PCNX1: variants seen among roughly 807,000 people sequenced by gnomAD.
The protein encoded by PCNX1 is pecanex 1, also known as pecanex-like protein 1.
Under a neutral mutation model 242.2 loss-of-function variants are expected in PCNX1, and 78 were observed. That is an observed-to-expected ratio of 0.32 (90% CI 0.27 to 0.39). The LOEUF (loss-of-function observed/expected upper bound fraction) is 0.39, where lower values mean the gene tolerates loss of function less well. Among genes scored for constraint, PCNX1 ranks in the 10% least tolerant of loss-of-function variants. The pLI is 1.00. For synonymous variants in PCNX1, 1,024 were observed against 1,032.9 expected, an observed-to-expected ratio of 0.99 and a Z score of 0.17; for missense variants, 2,581 against 2,856.5, an observed-to-expected ratio of 0.90 and a Z score of 2.20.
intron 1 of PCNX1, among the ~76,000 whole-genome samples, chr14:70,929,253 C>G (rs61988720): frequency 1.1e-4 from 17 of 151,716 alleles, no homozygotes; most frequent in Admixed American, 2.6e-4. Context: ...TTTTTTTCCC[C>G]TCTTACCGTC....
At chr14:70,991,391 A>G (rs1396116328) in intron 7 of PCNX1, among the ~76,000 whole-genome samples, 3 of 151,850 alleles carry the variant, frequency 2.0e-5, no homozygotes, top group Non-Finnish European at 2.9e-5. Context: ...TTTTTAGCAG[A>G]GATGGGGTTT....
At chr14:71,036,696 C>G (rs2060545305) in intron 19 of PCNX1, among the ~76,000 whole-genome samples, 1 of 152,154 alleles carries the variant, frequency 6.6e-6, no homozygotes, top group African/African-American at 2.4e-5. Flanking sequence ...ATAACGTATC[C>G]TGTTGTTAAG....
rs1261872759 is a variant in PCNX1 at position 71,051,194 on chromosome 14, AAAAATC to A, written c.4447+436_4447+441del. On this transcript the variant is annotated intron_variant, in intron 23 of 35. Coordinates refer to ENST00000304743, the MANE Select transcript of PCNX1 (RefSeq NM_014982.3). ...AAAAAAAAAAAAAAAAAAAAAAAAA[AAAAATC>A]ATAACCTTTTATATCCACACCTATA... Among the ~76,000 whole-genome samples the A allele has an allele frequency of 1.2e-3, 149 of 129,086 alleles. 1 individual carries two copies. Among genetic ancestry groups the A allele is most frequent in the African/African-American group, 4.0e-3 (139 of 34,736 alleles). 84.7% of individuals were successfully genotyped at this position (129,086 alleles called of 152,430 possible).
chr14:70,957,537 T>C lies in PCNX1; in HGVS notation c.363-4689T>C, dbSNP rs187469346. 1.4e-4 allele frequency among the ~76,000 whole-genome samples: 21 copies of C among 152,228 alleles called. No homozygotes were observed. In the East Asian group the frequency reaches 3.9e-3, roughly 28 times the overall value. ...GAAGCCAGACACAAAACATCACATA[T>C]GATTCCATTTATATAGAATGTCCAG... On this transcript the variant is annotated intron_variant, in intron 2 of 35. Transcript: ENST00000304743.
intron 30 of PCNX1, 152 bp from the exon 31 acceptor site, chr14:71,101,838 T>C (rs1247169210): frequency 4.2e-6 from 2 of 473,524 alleles, no homozygotes; most frequent in African/African-American, 4.0e-5. Context: ...AACCCAGTTA[T>C]GACTGAGAAT....
chr14:71,036,203 G>C, intron 19 of PCNX1, 46 bp downstream of exon 19: 4 of 1,214,592 alleles, frequency 3.3e-6, no homozygotes, highest in Non-Finnish European at 4.9e-6. Context: ...GTTTGAGACA[G>C]GGTCTCACTC....
rs188376290 is a variant in PCNX1 at position 71,093,590 on chromosome 14, A to G, written c.5589+4248A>G. ...CTTCTGTGATATGGGCACTAAAACTAAAGCATAAGGTAGAAGAAGAATTGG... is the reference window on the plus strand; with the variant it reads ...CTTCTGTGATATGGGCACTAAAACTGAAGCATAAGGTAGAAGAAGAATTGG... On this transcript the variant is annotated intron_variant, in intron 30 of 35. Coordinates refer to ENST00000304743, the MANE Select transcript of PCNX1 (RefSeq NM_014982.3). 3.3e-5 allele frequency: 5 copies of G among 152,378 alleles called. No individual in the cohort carries two copies. The East Asian group carries it at 9.6e-4, about 29-fold the overall frequency. 9.4% of individuals were successfully genotyped at this position (152,378 alleles called of 1,614,324 possible). A position where few individuals can be genotyped will look rare whatever the true frequency, so the allele number is the denominator to read the frequency against.
intron 19 of PCNX1, 69 bp downstream of exon 19, chr14:71,036,226 T>TGG: frequency 1.0e-6 from 1 of 975,590 alleles, no homozygotes; most frequent in Non-Finnish European, 1.6e-6. Flanking sequence ...TCACCCAGGC[T>TGG]GGAGTGCAGT....
At chr14:70,919,413 G>A (rs1000547777) in intron 1 of PCNX1, among the ~76,000 whole-genome samples, 1 of 152,064 alleles carries the variant, frequency 6.6e-6, no homozygotes, top group African/African-American at 2.4e-5. Context: ...CTTTGAGAGA[G>A]ACTGAGTGCC....
intron 26 of PCNX1, among the ~76,000 whole-genome samples, chr14:71,063,309 T>C (rs1566763661): frequency 6.6e-6 from 1 of 152,218 alleles, no homozygotes; most frequent in Admixed American, 6.6e-5. Context: ...AAAACCATTC[T>C]AAGCTTGGAT....
At chr14:71,009,965 G>A (rs149535652) in intron 9 of PCNX1, 100 of 320,428 alleles carry the variant, frequency 3.1e-4, no homozygotes, top group Admixed American at 1.3e-3. Context: ...TCTTGTTTGC[G>A]GTGAGGACAC....
rs3083307 is a variant in PCNX1, at chr14:71,003,080, C to CTTTTTTTTTTTTTTTTT, written c.2630-6550_2630-6534dup. ...TAAAAATCGGGTTGTTGGTTGTCTTCTTTTTTTTTTTTTTTTTTTTGAGAC... is the reference window on the plus strand; with the variant it reads ...TAAAAATCGGGTTGTTGGTTGTCTTCTTTTTTTTTTTTTTTTTTTTTTTTTTTTTTTTTTTTTGAGAC... On this transcript the variant is annotated intron_variant, in intron 8 of 35. Transcript: ENST00000304743. Among the ~76,000 whole-genome samples the CTTTTTTTTTTTTTTTTT allele has an allele frequency of 4.2e-3, 405 of 95,452 alleles. 56 individuals are homozygous for CTTTTTTTTTTTTTTTTT. Among genetic ancestry groups the CTTTTTTTTTTTTTTTTT allele is most frequent in the African/African-American group, 0.014 (290 of 21,286 alleles). 62.6% of individuals were successfully genotyped at this position (95,452 alleles called of 152,430 possible). A position where few individuals can be genotyped will look rare whatever the true frequency, so the allele number is the denominator to read the frequency against.
intron 30 of PCNX1, among the ~76,000 whole-genome samples, chr14:71,101,472 A>G (rs1451949068): frequency 1.4e-4 from 21 of 152,218 alleles, no homozygotes; most frequent in Admixed American, 1.4e-3. Context: ...CTCTAGGACT[A>G]GGACCCCAAA....
Position 71,047,909 on chromosome 14 carries a change from T to G in PCNX1, c.4263T>G (p.Phe1421Leu). Residue 1421 changes from phenylalanine (F) to leucine (L), a missense_variant, in exon 22 of 36, where the codon TTT becomes TTG. Around this residue, in one of 9 missense-constraint regions of PCNX1, gnomAD observed 432 missense variants for 443.1 expected, o/e 0.97. Coordinates refer to ENST00000304743, the MANE Select transcript of PCNX1 (RefSeq NM_014982.3). ...TTACAGTCATCTTTACTGTGCTGTT[T>G]TTCAAATTTGACTATGAAGCTTTTT... The part of the protein sequence containing the change: ...QYVTVIFTVL[F>L]FKFDYEAFSE... 1 of 1,613,432 alleles carries G rather than the reference T, an allele frequency of 6.2e-7. No homozygotes were observed. The highest frequency in any genetic ancestry group is 2.2e-5 in the East Asian group (1 of 44,784).
At chr14:71,046,342 C>A (rs970655925) in intron 20 of PCNX1, among the ~76,000 whole-genome samples, 4 of 151,910 alleles carry the variant, frequency 2.6e-5, no homozygotes, top group Non-Finnish European at 5.9e-5. Context: ...AATCTTAGAA[C>A]ATGTAGTCTA....
chr14:70,946,205 TTAAC>T (rs2057450209), intron 1 of PCNX1, among the ~76,000 whole-genome samples: 1 of 152,246 alleles, frequency 6.6e-6, no homozygotes, highest in Non-Finnish European at 1.5e-5. Flanking sequence ...TTTTAAATGT[TTAAC>T]TATTTTAAAA....
At chr14:70,966,218 C>A (rs1323684004) in intron 3 of PCNX1, among the ~76,000 whole-genome samples, 4 of 152,072 alleles carry the variant, frequency 2.6e-5, no homozygotes, top group Non-Finnish European at 5.9e-5. Context: ...TAAAATATAA[C>A]CACTCTATTA....
rs530506331 is a variant in PCNX1, at chr14:70,909,322, G to A, written c.153+1319G>A. On this transcript the variant is annotated intron_variant, in intron 1 of 35. Coordinates refer to ENST00000304743, the MANE Select transcript of PCNX1 (RefSeq NM_014982.3). The stretch of plus-strand genomic sequence containing the variant: ...TGGCTTGTGGCTTGTTTTATTAGGG[G>A]GACTTGTTCAGTCTTGTTGCATTCT... Among the ~76,000 whole-genome samples, 5 of 151,758 alleles carry A rather than the reference G, an allele frequency of 3.3e-5. No homozygotes were observed. In the South Asian group the frequency reaches 1.0e-3, roughly 32 times the overall value.
intron 8 of PCNX1, among the ~76,000 whole-genome samples, chr14:71,005,279 G>A (rs2059620636): frequency 6.6e-6 from 1 of 152,082 alleles, no homozygotes; most frequent in South Asian, 2.1e-4. Context: ...GAGGCAGGAG[G>A]TATCACTTAG....
Sources: gnomAD v4.1 joint callset for allele counts (sites outside exome capture counted in the v4.1 genomes callset) on GRCh38, gnomAD v4.1.1 for gene constraint, gnomAD v4.1.1 regional missense constraint, MANE v1.5 for transcripts, NCBI Gene and HGNC (gene_info 2026-07-23, HGNC 2026-07-21) for gene names.